Variants in SDK1 observed in about 807,000 individuals in gnomAD.
The protein encoded by SDK1 is protein sidekick-1.
SDK1 carries 157 observed loss-of-function variants against 245.5 expected under a neutral mutation model. The ratio of observed to expected loss-of-function variants is 0.64; its 90% CI spans 0.56 to 0.73. The LOEUF is 0.73. SDK1 is among the 30% of genes least tolerant of loss of function. The pLI, the probability that SDK1 is intolerant of heterozygous loss-of-function variation, is 0.00. For missense variants in SDK1, 3,583 were observed against 3,002.3 expected (o/e 1.19, Z -4.52); for synonymous variants, 1,647 against 1,278.5 (o/e 1.29, Z -6.15).
chr7:3,431,014 C>T (rs150362017), intron 1 of SDK1, among the ~76,000 whole-genome samples: 16,335 of 152,156 alleles, frequency 0.11, 1,151 homozygotes, highest in African/African-American at 0.19. Context: ...GATTCTTCTG[C>T]CTCAGCCTCC....
At chr7:3,761,260 CT>C (rs71029692) in intron 4 of SDK1, among the ~76,000 whole-genome samples, 7,532 of 93,586 alleles carry the variant, frequency 0.08, 155 homozygotes, top group African/African-American at 0.11. Flanking sequence ...GCCCCCCCTC[CT>C]TTTTTTTTTT....
chr7:3,501,898 T>C (rs758302439), intron 1 of SDK1, among the ~76,000 whole-genome samples: 5 of 152,220 alleles, frequency 3.3e-5, no homozygotes, highest in Non-Finnish European at 7.3e-5. Flanking sequence ...TTTGGAAATG[T>C]AACTATTTGA....
At chr7:4,004,501 A>G (rs966344938) in intron 14 of SDK1, among the ~76,000 whole-genome samples, 5 of 152,210 alleles carry the variant, frequency 3.3e-5, no homozygotes, top group Middle Eastern at 3.2e-3. Flanking sequence ...TCACCCACCA[A>G]TAGACAATTA....
chr7:3,881,800 G>A (rs1781214827), intron 5 of SDK1, among the ~76,000 whole-genome samples: 2 of 152,140 alleles, frequency 1.3e-5, no homozygotes, highest in Non-Finnish European at 2.9e-5. Context: ...TTCTTTGTAT[G>A]TCTTTTAAAA....
chr7:3,620,145 G>C (rs1173097747), intron 2 of SDK1, among the ~76,000 whole-genome samples: 1 of 152,056 alleles, frequency 6.6e-6, no homozygotes, highest in Non-Finnish European at 1.5e-5. Context: ...TCTCAAATGG[G>C]GAATAGCCCA....
intron 5 of SDK1, among the ~76,000 whole-genome samples, chr7:3,948,552 G>T (rs1292005717): frequency 1.3e-5 from 2 of 152,174 alleles, no homozygotes; most frequent in Non-Finnish European, 2.9e-5. Flanking sequence ...GTGAGCCACC[G>T]CGCCCGGCCA....
intron 5 of SDK1, among the ~76,000 whole-genome samples, chr7:3,876,474 C>T (rs369735732): frequency 2.0e-5 from 3 of 152,082 alleles, no homozygotes; most frequent in African/African-American, 7.2e-5. Flanking sequence ...TCTTTTTGTC[C>T]TCATTCTCCT....
chr7:3,594,106 T>G (rs1372788025), intron 1 of SDK1, among the ~76,000 whole-genome samples: 1 of 152,166 alleles, frequency 6.6e-6, no homozygotes, highest in Non-Finnish European at 1.5e-5. Flanking sequence ...CTCTATCTCC[T>G]CCTGCCTCTC....
At chr7:4,180,017 G>A (rs1426494790) in intron 35 of SDK1, among the ~76,000 whole-genome samples, 2 of 152,038 alleles carry the variant, frequency 1.3e-5, no homozygotes, top group African/African-American at 2.4e-5. Flanking sequence ...CAGGGCACTT[G>A]GGCAGGCCCT....
At position 4,048,177 on chromosome 7, in the gene SDK1, G is replaced by A. The variant is rs540570142; in HGVS notation, c.2603-1171G>A. On this transcript the variant is annotated intron_variant, in intron 17 of 44. Coordinates refer to ENST00000404826, the MANE Select transcript of SDK1 (RefSeq NM_152744.4). The stretch of plus-strand genomic sequence containing the variant: ...GGATCCCGTGTGTTCCGGCCGAGAA[G>A]ACCCTTGTTTTTCTTTCTCTGCGTG... 5.9e-5 allele frequency among the ~76,000 whole-genome samples: 9 copies of A among 152,278 alleles called. No individual in the cohort carries two copies. The East Asian group carries it at 1.6e-3, about 26-fold the overall frequency.
At chr7:3,371,537 C>A (rs756238854) in intron 1 of SDK1, among the ~76,000 whole-genome samples, 44 of 152,120 alleles carry the variant, frequency 2.9e-4, no homozygotes, top group African/African-American at 8.7e-4. Flanking sequence ...CAGAAACATA[C>A]AAACAAAAAA....
intron 5 of SDK1, among the ~76,000 whole-genome samples, chr7:3,917,187 A>T (rs1435742807): frequency 6.6e-6 from 1 of 152,222 alleles, no homozygotes; most frequent in Non-Finnish European, 1.5e-5. Context: ...TTTTGTCACT[A>T]AATAAAAATC....
At chr7:3,448,596 A>C (rs1337868495) in intron 1 of SDK1, among the ~76,000 whole-genome samples, 3 of 152,132 alleles carry the variant, frequency 2.0e-5, no homozygotes, top group Non-Finnish European at 4.4e-5. Flanking sequence ...TTTTTTATAT[A>C]AATATCTTTT....
rs144069142 is a variant in SDK1 at position 3,620,199 on chromosome 7, G to A, written c.458+960G>A. 1.7e-4 allele frequency among the ~76,000 whole-genome samples: 26 copies of A among 152,160 alleles called. No individual in the cohort carries two copies. The East Asian group carries it at 2.7e-3, about 16-fold the overall frequency. ...CTCTGAGGTTGTGATACGGTGGTCC[G>A]TGGAACCACACTCAGCCTGCCCAGA... On this transcript the variant is annotated intron_variant, in intron 2 of 44. Transcript: ENST00000404826.
intron 19 of SDK1, among the ~76,000 whole-genome samples, chr7:4,053,086 C>CAA (rs923402926): frequency 0.06 from 3,588 of 59,900 alleles, 135 homozygotes; most frequent in African/African-American, 0.11. Flanking sequence ...GACTCTGTCT[C>CAA]AAAAAAAAAA....
intron 22 of SDK1, among the ~76,000 whole-genome samples, chr7:4,080,185 G>C (rs1428201305): frequency 6.6e-6 from 1 of 152,132 alleles, no homozygotes; most frequent in Non-Finnish European, 1.5e-5. Flanking sequence ...GGCAGGGAGT[G>C]AGTCTGGGGA....
chr7:3,321,524 T>C (rs1779801760), intron 1 of SDK1, among the ~76,000 whole-genome samples: 1 of 152,210 alleles, frequency 6.6e-6, no homozygotes, highest in South Asian at 2.1e-4. Context: ...ATAAAAATCA[T>C]TGACATGAAT....
chr7:3,482,423 C>G (rs899382811), intron 1 of SDK1, among the ~76,000 whole-genome samples: 1 of 152,090 alleles, frequency 6.6e-6, no homozygotes, highest in African/African-American at 2.4e-5. Context: ...CAATAAAGCC[C>G]ATGGTTTCTA....
intron 1 of SDK1, among the ~76,000 whole-genome samples, chr7:3,374,371 T>C (rs1781302676): frequency 6.6e-6 from 1 of 152,190 alleles, no homozygotes. Context: ...TTACACAAAA[T>C]ATTTTTTTCT....
Sources: gnomAD v4.1 joint callset for allele counts (sites outside exome capture counted in the v4.1 genomes callset) on GRCh38, gnomAD v4.1.1 for gene constraint, MANE v1.5 for transcripts, NCBI Gene and HGNC (gene_info 2026-07-23, HGNC 2026-07-21) for gene names.